The following CENPP variants were observed in gnomAD, a reference collection of about 807,000 sequenced individuals.
CENPP encodes centromere protein P.
A neutral mutation model predicts 35.6 loss-of-function variants in CENPP; 24 were observed. The ratio of observed to expected loss-of-function variants is 0.67; its 90% CI spans 0.49 to 0.95. CENPP has a LOEUF of 0.95. Among genes scored for constraint, CENPP ranks in the 40% least tolerant of loss-of-function variants. CENPP has a pLI of 0.00. For missense variants in CENPP, 332 were observed against 345.3 expected (o/e 0.96, Z 0.31); for synonymous variants, 120 against 125.5 (o/e 0.96, Z 0.29).
In CENPP at chr9:92,619,574, G is replaced by T; in HGVS notation, c.*6425G>T. 3 of 1,571,638 alleles carry T rather than the reference G, an allele frequency of 1.9e-6. No individual in the cohort carries two copies. Among genetic ancestry groups the T allele is most frequent in the Non-Finnish European group, 2.6e-6 (3 of 1,157,880 alleles). On this transcript the variant is annotated 3_prime_UTR_variant, in exon 8 of 8. Transcript: ENST00000375587. ...ACGCGGTACTGCTGCACCTGCAGGG[G>T]CGGGAAAGATCAGCTCCAGGTCACA...
chr9:92,481,794 A>G (rs2131103770), intron 5 of CENPP, among the ~76,000 whole-genome samples: 1 of 152,348 alleles, frequency 6.6e-6, no homozygotes, highest in African/African-American at 2.4e-5. Flanking sequence ...TATCAAGGAA[A>G]AAAATGAATA....
chr9:92,506,324 A>G (rs1266572609), intron 5 of CENPP, among the ~76,000 whole-genome samples: 1 of 152,226 alleles, frequency 6.6e-6, no homozygotes, highest in Non-Finnish European at 1.5e-5. Context: ...TGAAAGAATG[A>G]TGATCAAAAA....
intron 5 of CENPP, chr9:92,415,201 T>C (rs759622437): frequency 1.2e-6 from 2 of 1,613,828 alleles, no homozygotes; most frequent in African/African-American, 1.3e-5. Flanking sequence ...TTCTGCTCCT[T>C]CTTGTTCTGG....
At chr9:92,379,286 G>T (rs2130866420) in intron 4 of CENPP, among the ~76,000 whole-genome samples, 1 of 152,254 alleles carries the variant, frequency 6.6e-6, no homozygotes, top group East Asian at 1.9e-4. Flanking sequence ...GCCCTCAAAT[G>T]ATGTGTTTGG....
At chr9:92,607,431 A>G (rs1851112603) in intron 5 of CENPP, among the ~76,000 whole-genome samples, 2 of 152,142 alleles carry the variant, frequency 1.3e-5, no homozygotes, top group Non-Finnish European at 2.9e-5. Flanking sequence ...TAAGGGGACT[A>G]GGGGCAATAG....
At chr9:92,559,755 C>T (rs905284125) in intron 5 of CENPP, among the ~76,000 whole-genome samples, 2 of 152,144 alleles carry the variant, frequency 1.3e-5, no homozygotes, top group African/African-American at 4.8e-5. Context: ...CCTGCCTTAG[C>T]CTCCCAAAGT....
intron 5 of CENPP, among the ~76,000 whole-genome samples, chr9:92,545,925 G>A (rs959439651): frequency 6.6e-6 from 1 of 152,026 alleles, no homozygotes. Flanking sequence ...GTCTAGCTAA[G>A]GGATTGTGAA....
intron 5 of CENPP, among the ~76,000 whole-genome samples, chr9:92,467,067 C>T (rs1032096746): frequency 1.3e-5 from 2 of 152,192 alleles, no homozygotes; most frequent in African/African-American, 4.8e-5. Context: ...AAAAATCCTA[C>T]CATGTGCCCT....
At chr9:92,433,096 G>T (rs151320845) in intron 5 of CENPP, among the ~76,000 whole-genome samples, 61 of 152,210 alleles carry the variant, frequency 4.0e-4, no homozygotes, top group African/African-American at 1.4e-3. Flanking sequence ...AGAATACCAC[G>T]CAATGAATAA....
At chr9:92,555,762 T>C (rs1316230223) in intron 5 of CENPP, among the ~76,000 whole-genome samples, 6 of 152,198 alleles carry the variant, frequency 3.9e-5, no homozygotes, top group African/African-American at 1.4e-4. Flanking sequence ...TTAGTGAAGT[T>C]ATTTGGATTT....
At chr9:92,514,831 T>TCCTCCTCACCCTCCTCAC (rs762598771) in intron 5 of CENPP, 21 of 1,611,808 alleles carry the variant, frequency 1.3e-5, no homozygotes, top group South Asian at 3.3e-5. Context: ...GTCCTCCTCA[T>TCCTCCTCACCCTCCTCAC]CCTCCTCACC....
At chr9:92,564,295 A>G (rs973527724) in intron 5 of CENPP, among the ~76,000 whole-genome samples, 2 of 152,102 alleles carry the variant, frequency 1.3e-5, no homozygotes, top group Non-Finnish European at 1.5e-5. Context: ...CGGCTGAGGC[A>G]CAAGAATCAC....
chr9:92,496,308 C>A (rs774641326), intron 5 of CENPP: 2 of 1,567,962 alleles, frequency 1.3e-6, no homozygotes, highest in East Asian at 2.3e-5. Context: ...CAAAGGAAAA[C>A]TTGGAATTAC....
chr9:92,496,560 TA>T, intron 5 of CENPP: 14 of 1,535,370 alleles, frequency 9.1e-6, no homozygotes, highest in East Asian at 2.3e-5. Flanking sequence ...TAACATTTGT[TA>T]AAAAAATTTT....
intron 5 of CENPP, among the ~76,000 whole-genome samples, chr9:92,439,157 A>G (rs1487320556): frequency 2.6e-5 from 4 of 151,956 alleles, no homozygotes; most frequent in Non-Finnish European, 4.4e-5. Context: ...TTTTTATTAG[A>G]TCGTGTGTTA....
intron 5 of CENPP, among the ~76,000 whole-genome samples, chr9:92,444,734 C>T (rs1844508099): frequency 6.6e-6 from 1 of 152,142 alleles, no homozygotes; most frequent in African/African-American, 2.4e-5. Flanking sequence ...GGGCGAGTAC[C>T]TGCAGGCAAA....
chr9:92,357,604 C>T (rs1050946983), intron 4 of CENPP, among the ~76,000 whole-genome samples: 4 of 151,992 alleles, frequency 2.6e-5, no homozygotes, highest in East Asian at 3.9e-4. Flanking sequence ...AGGTGATTCT[C>T]CTGCCACGGC....
At chr9:92,575,242 C>T (rs939030123) in intron 5 of CENPP, among the ~76,000 whole-genome samples, 2 of 152,152 alleles carry the variant, frequency 1.3e-5, no homozygotes, top group African/African-American at 4.8e-5. Context: ...TGTGTACTAA[C>T]AGACATTATG....
chr9:92,595,442 T>A (rs969620045), intron 5 of CENPP, among the ~76,000 whole-genome samples: 14 of 151,662 alleles, frequency 9.2e-5, no homozygotes, highest in African/African-American at 3.4e-4. Flanking sequence ...GGATCTTACC[T>A]TGTTGCCCAA....
Sources: gnomAD v4.1 joint callset for allele counts (sites outside exome capture counted in the v4.1 genomes callset) on GRCh38, gnomAD v4.1.1 for gene constraint, MANE v1.5 for transcripts, NCBI Gene and HGNC (gene_info 2026-07-23, HGNC 2026-07-21) for gene names.